Variants in PTPRB observed in about 807,000 individuals in gnomAD.
The protein encoded by PTPRB is receptor-type tyrosine-protein phosphatase beta.
Under a neutral mutation model 238.1 loss-of-function variants are expected in PTPRB, and 97 were observed. The ratio of observed to expected loss-of-function variants is 0.41; its 90% CI spans 0.35 to 0.48. The LOEUF is 0.48. Ranked by LOEUF, PTPRB falls within the 20% of genes least tolerant of loss-of-function variation. The pLI, the probability that PTPRB is intolerant of heterozygous loss-of-function variation, is 0.30. For synonymous variants in PTPRB, 970 were observed against 995.4 expected (o/e 0.97, Z 0.48); for missense variants, 2,292 against 2,681.9 (o/e 0.85, Z 3.21).
intron 5 of PTPRB, among the ~76,000 whole-genome samples, chr12:70,595,233 G>C (rs1882889968): frequency 6.6e-6 from 1 of 152,070 alleles, no homozygotes; most frequent in South Asian, 2.1e-4. Flanking sequence ...TCACTCATAA[G>C]TGGGAGCTGA....
intron 20 of PTPRB, among the ~76,000 whole-genome samples, chr12:70,554,544 T>C (rs1877364382): frequency 1.3e-5 from 2 of 152,380 alleles, no homozygotes; most frequent in South Asian, 4.1e-4. Context: ...AACTATTCCC[T>C]AGACTTTGTT....
intron 4 of PTPRB, among the ~76,000 whole-genome samples, chr12:70,598,443 G>A (rs1215649901): frequency 6.6e-6 from 1 of 152,180 alleles, no homozygotes; most frequent in Non-Finnish European, 1.5e-5. Flanking sequence ...GGGCTTTGGA[G>A]TCAGAATTAA....
At chr12:70,540,196 T>A (rs1257161669) in intron 23 of PTPRB, 174 bp from the exon 24 acceptor site, 1 of 563,880 alleles carries the variant, frequency 1.8e-6, no homozygotes, top group Non-Finnish European at 3.1e-6. Context: ...ATAAAGTAGA[T>A]CATTCCCACC....
intron 28 of PTPRB, among the ~76,000 whole-genome samples, chr12:70,537,722 G>T (rs1355642822): frequency 6.6e-6 from 1 of 152,186 alleles, no homozygotes; most frequent in African/African-American, 2.4e-5. Flanking sequence ...TTCCACTGCA[G>T]TATGCCATAG....
chr12:70,538,404 G>T, intron 27 of PTPRB, 173 bp from the exon 28 acceptor site: 1 of 571,138 alleles, frequency 1.8e-6, no homozygotes, highest in South Asian at 2.3e-5. Context: ...TGTTGCATAG[G>T]TGGCCTATAA....
rs375514525 is a variant in PTPRB at position 70,538,934 on chromosome 12, A to G, written c.5859T>C (p.Asn1953=). Residue 1953 remains asparagine (N), a synonymous_variant, in exon 27 of 34, where the codon AAT becomes AAC. Transcript: ENST00000334414. ...TGACACAAAACTTACAGGGCAATATATTGTTGTATCGATTTTTCCCTCTAT... is the reference window on the plus strand; with the variant it reads ...TGACACAAAACTTACAGGGCAATATGTTGTTGTATCGATTTTTCCCTCTAT... ...PENRGKNRYN[N]ILPYDATRVK... The G allele has an allele frequency of 2.2e-5, 36 of 1,612,326 alleles. No homozygotes were observed. The highest frequency in any genetic ancestry group is 3.1e-5 in the Non-Finnish European group (36 of 1,178,990).
intron 3 of PTPRB, chr12:70,609,932 C>T: frequency 1.1e-6 from 1 of 925,048 alleles, no homozygotes. Context: ...GCGCAGCGCG[C>T]TTCCCTCGGG....
intron 27 of PTPRB, 187 bp from the exon 28 acceptor site, chr12:70,538,418 G>T: frequency 1.8e-6 from 1 of 548,138 alleles, no homozygotes; most frequent in South Asian, 2.6e-5. Context: ...CCTATAACCA[G>T]TCAGACACAG....
At chr12:70,528,121 G>C (rs1330263977) in intron 32 of PTPRB, among the ~76,000 whole-genome samples, 1 of 152,160 alleles carries the variant, frequency 6.6e-6, no homozygotes, top group Non-Finnish European at 1.5e-5. Context: ...AGAAAAAAGG[G>C]AGAGAGAAAA....
rs764387551 is a variant in PTPRB at position 70,609,178 on chromosome 12, C to T, written c.870G>A (p.Arg290=). The T allele has an allele frequency of 6.2e-7, 1 of 1,614,016 alleles. No homozygotes were observed. Among genetic ancestry groups the T allele is most frequent in the Non-Finnish European group, 8.5e-7 (1 of 1,179,894 alleles). ...TLGAALCPTF[R]IDNTTYGCNL... ...TACATCCGTATGTGGTGTTGTCTAT[C>T]CGAAAGGTAGGGCACAACGCGGCCC... Residue 290 remains arginine, a synonymous_variant, in exon 4 of 34, where the codon CGG becomes CGA. Transcript: ENST00000334414.
At chr12:70,617,115 A>T (rs1884713761) in intron 3 of PTPRB, among the ~76,000 whole-genome samples, 1 of 152,242 alleles carries the variant, frequency 6.6e-6, no homozygotes, top group South Asian at 2.1e-4. Flanking sequence ...ACAAAATAGC[A>T]ACATGGTCTT....
chr12:70,614,040 A>G (rs980326648), intron 3 of PTPRB, among the ~76,000 whole-genome samples: 1 of 152,180 alleles, frequency 6.6e-6, no homozygotes, highest in African/African-American at 2.4e-5. Flanking sequence ...GAGGAAAAGG[A>G]GAAGGAGGAG....
chr12:70,576,674 G>GGGC (rs1880783503), intron 10 of PTPRB, 29 bp from the exon 11 acceptor site: 1 of 277,514 alleles, frequency 3.6e-6, no homozygotes, highest in Non-Finnish European at 6.8e-6. Context: ...GGGGGCGGGG[G>GGGC]GGGGGGGGAA....
intron 11 of PTPRB, among the ~76,000 whole-genome samples, chr12:70,572,473 C>T (rs1459431221): frequency 6.6e-6 from 1 of 151,842 alleles, no homozygotes; most frequent in African/African-American, 2.4e-5. Flanking sequence ...ACCCGCCCCC[C>T]TCAAAAAAAT....
chr12:70,551,508 G>A (rs901062904), intron 21 of PTPRB, among the ~76,000 whole-genome samples: 4 of 152,128 alleles, frequency 2.6e-5, no homozygotes, highest in African/African-American at 7.2e-5. Context: ...TCTCTTGGGT[G>A]TAACAGTACG....
chr12:70,631,498 C>T (rs1361395146), intron 2 of PTPRB, among the ~76,000 whole-genome samples: 1 of 152,284 alleles, frequency 6.6e-6, no homozygotes, highest in East Asian at 1.9e-4. Flanking sequence ...CTAGGCAATA[C>T]CATTCAGGAC....
chr12:70,622,526 G>C lies in PTPRB; in HGVS notation c.572C>G (p.Ala191Gly). 1 of 1,612,538 alleles carries C rather than the reference G, an allele frequency of 6.2e-7. No homozygotes were observed. The part of the protein sequence containing the change: ...LVFLIRNTTE[A>G]FIRNAAENYS... ...GTTTTCTGCAGCATTTCTGATGAAG[G>C]CCTCTGTGGTATTCCTAATAAGGAA... Residue 191 changes from alanine (A) to glycine (G), a missense_variant, in exon 3 of 34, where the codon GCC becomes GGC. This residue lies in a region of PTPRB where 1,205 missense variants were observed against 1,287.8 expected (regional missense o/e 0.94). Transcript: ENST00000334414.
intron 16 of PTPRB, among the ~76,000 whole-genome samples, chr12:70,561,272 T>C (rs1223716281): frequency 1.3e-5 from 2 of 152,166 alleles, no homozygotes; most frequent in African/African-American, 2.4e-5. Flanking sequence ...CTCCTCCCAG[T>C]GTGGCCTATC....
intron 9 of PTPRB, among the ~76,000 whole-genome samples, chr12:70,583,650 C>G (rs1881608100): frequency 6.6e-6 from 1 of 152,110 alleles, no homozygotes; most frequent in African/African-American, 2.4e-5. Flanking sequence ...AAAACGATTT[C>G]CTCTGAGAAC....
Sources: gnomAD v4.1 joint callset for allele counts (sites outside exome capture counted in the v4.1 genomes callset) on GRCh38, gnomAD v4.1.1 for gene constraint, gnomAD v4.1.1 regional missense constraint, MANE v1.5 for transcripts, NCBI Gene and HGNC (gene_info 2026-07-23, HGNC 2026-07-21) for gene names.